Variants in TMEM140 observed in about 807,000 individuals in gnomAD.
TMEM140 encodes transmembrane protein 140.
For synonymous variants in TMEM140, 107 were observed against 106.8 expected, an observed-to-expected ratio of 1.00 and a Z score of -0.01; for missense variants, 236 against 228.5, an observed-to-expected ratio of 1.03 and a Z score of -0.21.
rs1271008852 is a variant in TMEM140, at chr7:135,165,065, C to T, written c.*66C>T. ...AGAGGTGGCACATCTGCTCAGCCATCTCATTTTACAGCTAACGCTGATCTC... is the reference window on the plus strand; with the variant it reads ...AGAGGTGGCACATCTGCTCAGCCATTTCATTTTACAGCTAACGCTGATCTC... On this transcript the variant is annotated 3_prime_UTR_variant, in exon 2 of 2. Coordinates refer to ENST00000275767, the MANE Select transcript of TMEM140 (RefSeq NM_018295.5). 3.4e-6 allele frequency: 5 copies of T among 1,491,994 alleles called. No individual in the cohort carries two copies. Among genetic ancestry groups the T allele is most frequent in the Non-Finnish European group, 4.5e-6 (5 of 1,110,526 alleles). The allele number at this position is 1,491,994 out of a possible 1,614,324, so 92.4% of individuals were successfully genotyped here.
rs772586317 is a variant in TMEM140 at position 135,164,618 on chromosome 7, C to T, written c.177C>T (p.Thr59=). ...FYNFCLWNED[T]STLQCHQFPE... ...ACTTCTGCCTGTGGAATGAGGACAC[C>T]AGCACCCTACAGTGTCACCAGTTCC... The change falls in exon 2 of 2, where the codon ACC becomes ACT. Residue 59 remains threonine (T), a synonymous_variant. Coordinates refer to ENST00000275767, the MANE Select transcript of TMEM140 (RefSeq NM_018295.5). 2.3e-5 allele frequency: 37 copies of T among 1,614,122 alleles called. No individual in the cohort carries two copies. The highest frequency in any genetic ancestry group is 3.0e-5 in the Non-Finnish European group (35 of 1,179,926).
intron 1 of TMEM140, among the ~76,000 whole-genome samples, chr7:135,152,149 A>T (rs1386595430): frequency 6.6e-6 from 1 of 152,274 alleles, no homozygotes; most frequent in Non-Finnish European, 1.5e-5. Context: ...AATTAAAGCC[A>T]TTTTACAGAT....
Position 135,162,124 on chromosome 7 carries a change from C to T in TMEM140, c.-24-2294C>T, listed in dbSNP as rs141791676. 4.0e-3 allele frequency among the ~76,000 whole-genome samples: 607 copies of T among 152,366 alleles called. 2 individuals are homozygous for T. The highest frequency in any genetic ancestry group is 0.014 in the African/African-American group (575 of 41,586). ...CAGCCTGTTCCATGTTCTTTATTTT[C>T]CCCACTTGGTCCCTTTCTGTAACAA... On this transcript the variant is annotated intron_variant, in intron 1 of 1. Coordinates refer to ENST00000275767, the MANE Select transcript of TMEM140 (RefSeq NM_018295.5).
chr7:135,160,436 C>T (rs2117457753), intron 1 of TMEM140, among the ~76,000 whole-genome samples: 1 of 152,282 alleles, frequency 6.6e-6, no homozygotes, highest in South Asian at 2.1e-4. Context: ...CCAGGGAAGG[C>T]CCATGGGGAA....
In TMEM140 at chr7:135,151,781, C is replaced by T. The variant is rs949422170; in HGVS notation, c.-25+3511C>T. Among the ~76,000 whole-genome samples the T allele has an allele frequency of 5.3e-5, 8 of 152,200 alleles. No individual in the cohort carries two copies. Among genetic ancestry groups the T allele is most frequent in the African/African-American group, 1.7e-4 (7 of 41,442 alleles). ...GCTGGCTATGTAACTTGCCCAAGGT[C>T]ATATGACTAGTGAGTGACAGAACGA... On this transcript the variant is annotated intron_variant, in intron 1 of 1. Coordinates refer to ENST00000275767, the MANE Select transcript of TMEM140 (RefSeq NM_018295.5). This position sits in a 1 kb window ranked among gnomAD's most constrained non-coding sequence, Gnocchi z 4.3.
At chr7:135,156,636 A>T (rs1329589681) in intron 1 of TMEM140, among the ~76,000 whole-genome samples, 2 of 152,084 alleles carry the variant, frequency 1.3e-5, no homozygotes, top group Non-Finnish European at 2.9e-5. Context: ...TCTTTGTATT[A>T]GTTTTCAGAT....
At chr7:135,158,554 G>C (rs1375520367) in intron 1 of TMEM140, among the ~76,000 whole-genome samples, 1 of 152,170 alleles carries the variant, frequency 6.6e-6, no homozygotes, top group African/African-American at 2.4e-5. Context: ...AGGATGGCCT[G>C]ATTTCCCTAT....
intron 1 of TMEM140, among the ~76,000 whole-genome samples, chr7:135,157,970 G>A (rs1204784569): frequency 2.0e-5 from 3 of 151,878 alleles, no homozygotes; most frequent in Non-Finnish European, 4.4e-5. Context: ...GCTGTAGGGA[G>A]GGTGGTCTAC....
At chr7:135,162,023 A>G (rs950811986) in intron 1 of TMEM140, among the ~76,000 whole-genome samples, 15 of 152,246 alleles carry the variant, frequency 9.9e-5, no homozygotes, top group African/African-American at 3.6e-4. Flanking sequence ...GGTCTCTGCC[A>G]AAGAAGTCGC....
rs186350253 is a variant in TMEM140 at position 135,152,271 on chromosome 7, T to C, written c.-25+4001T>C. Reference sequence around the variant, plus strand: ...CTTCAAGGTCCATGCTCAGAACCAGTATTCCACACTGTCTTCACTACGTCA... The same window carrying C: ...CTTCAAGGTCCATGCTCAGAACCAGCATTCCACACTGTCTTCACTACGTCA... On this transcript the variant is annotated intron_variant, in intron 1 of 1. Coordinates refer to ENST00000275767, the MANE Select transcript of TMEM140 (RefSeq NM_018295.5). Among the ~76,000 whole-genome samples, 1,087 of 152,336 alleles carry C rather than the reference T, an allele frequency of 7.1e-3. 8 individuals carry two copies. The highest frequency in any genetic ancestry group is 0.012 in the Non-Finnish European group (796 of 68,038).
chr7:135,159,367 C>CT (rs1279272797), intron 1 of TMEM140, among the ~76,000 whole-genome samples: 3 of 152,226 alleles, frequency 2.0e-5, no homozygotes, highest in Non-Finnish European at 4.4e-5. Flanking sequence ...ATTTGTGTCT[C>CT]TTTCAGCCGC....
Position 135,164,671 on chromosome 7 carries a change from G to A in TMEM140, c.230G>A (p.Arg77Gln), listed in dbSNP as rs376077600. The stretch of plus-strand genomic sequence containing the variant: ...GAGCTGGAAGCCCTGGGGGTGCCTC[G>A]GGTTGGCCTGGGCCTGGCCAGGCTT... ...FPELEALGVP[R>Q]VGLGLARLGV... The change falls in exon 2 of 2, where the codon CGG becomes CAG. Residue 77 changes from arginine to glutamine, a missense_variant. Physicochemically the swap from Arg to Gln is conservative, Grantham distance 43 (BLOSUM62 1). Transcript: ENST00000275767. 38 of 1,613,586 alleles carry A rather than the reference G, an allele frequency of 2.4e-5. No individual in the cohort carries two copies. The highest frequency in any genetic ancestry group is 5.0e-5 in the Admixed American group (3 of 60,006).
In TMEM140 at chr7:135,163,560, G is replaced by C. The variant is rs1024480742; in HGVS notation, c.-24-858G>C. Among the ~76,000 whole-genome samples, 8 of 152,192 alleles carry C rather than the reference G, an allele frequency of 5.3e-5. No homozygotes were observed. In the East Asian group the frequency reaches 9.6e-4, roughly 18 times the overall value. On this transcript the variant is annotated intron_variant, in intron 1 of 1. Transcript: ENST00000275767. ...CTCGGGAGGCTGAGGCAGGAGACTT[G>C]CTTGACCCCGGGAGGCAGAGATTGC...
chr7:135,153,464 A>AG, intron 1 of TMEM140, among the ~76,000 whole-genome samples: 1 of 151,832 alleles, frequency 6.6e-6, no homozygotes, highest in Admixed American at 6.6e-5. Context: ...CACAAAAAAA[A>AG]AAAAAAAAAA....
At chr7:135,160,770 G>A (rs1829915080) in intron 1 of TMEM140, among the ~76,000 whole-genome samples, 1 of 151,878 alleles carries the variant, frequency 6.6e-6, no homozygotes, top group African/African-American at 2.4e-5. Context: ...CCCCTACTGT[G>A]TATCAAAATA....
At chr7:135,160,085 G>T (rs1442255442) in intron 1 of TMEM140, among the ~76,000 whole-genome samples, 1 of 152,216 alleles carries the variant, frequency 6.6e-6, no homozygotes, top group Non-Finnish European at 1.5e-5. Context: ...CACATAGAAT[G>T]ATGTTCACAA....
chr7:135,148,251 G>A lies in TMEM140; in HGVS notation c.-44G>A. 1 of 386,988 alleles carries A rather than the reference G, an allele frequency of 2.6e-6. No homozygotes were observed. Among genetic ancestry groups the A allele is most frequent in the Non-Finnish European group, 5.1e-6 (1 of 197,024 alleles). The allele number at this position is 386,988 out of a possible 1,614,324, so 24.0% of individuals were successfully genotyped here. ...TTCTCCTTTTCATGAGTGTTCCTGT[G>A]GTCTCTGCACCTCCTTTCTGTAAGT... is the stretch of plus-strand genomic sequence containing the variant. On this transcript the variant is annotated 5_prime_UTR_variant, in exon 1 of 2. Transcript: ENST00000275767.
Position 135,151,395 on chromosome 7 carries a change from A to G in TMEM140, c.-25+3125A>G, listed in dbSNP as rs1829662519. Reference sequence around the variant, plus strand: ...CCACACCTAAACCATGAGCACACTGATCTTCAATGTGTTCCACCAGAAATA... The same window carrying G: ...CCACACCTAAACCATGAGCACACTGGTCTTCAATGTGTTCCACCAGAAATA... On this transcript the variant is annotated intron_variant, in intron 1 of 1. Coordinates refer to ENST00000275767, the MANE Select transcript of TMEM140 (RefSeq NM_018295.5). This position sits in a 1 kb window ranked among gnomAD's most constrained non-coding sequence, Gnocchi z 4.3. 6.6e-6 allele frequency among the ~76,000 whole-genome samples: 1 copy of G among 152,156 alleles called. No homozygotes were observed.
chr7:135,159,216 T>C (rs944274758), intron 1 of TMEM140, among the ~76,000 whole-genome samples: 3 of 152,248 alleles, frequency 2.0e-5, no homozygotes, highest in Admixed American at 2.0e-4. Context: ...CTGTTCAAAA[T>C]GGATCCACTT....
Sources: gnomAD v4.1 joint callset for allele counts (sites outside exome capture counted in the v4.1 genomes callset) on GRCh38, gnomAD v4.1.1 for gene constraint, Gnocchi (gnomAD v3.1) non-coding constraint, MANE v1.5 for transcripts, NCBI Gene and HGNC (gene_info 2026-07-23, HGNC 2026-07-21) for gene names.